CNTN5: variants seen among roughly 807,000 people sequenced by gnomAD.
CNTN5 encodes the protein contactin-5.
CNTN5 carries 77 observed loss-of-function variants against 129.1 expected under a neutral mutation model. The observed-to-expected ratio is 0.60, with a 90% CI of 0.50 to 0.72. CNTN5 has a LOEUF of 0.72. CNTN5 is among the 30% of genes least tolerant of loss of function. CNTN5 has a pLI of 0.00. For synonymous variants in CNTN5, 509 were observed against 465.6 expected (o/e 1.09, Z -1.20); for missense variants, 1,478 against 1,328.8 (o/e 1.11, Z -1.75).
At chr11:100,325,580 T>C (rs1279424796) in intron 21 of CNTN5, among the ~76,000 whole-genome samples, 1 of 152,190 alleles carries the variant, frequency 6.6e-6, no homozygotes, top group African/African-American at 2.4e-5. Flanking sequence ...CCTCTGGCCC[T>C]TTATCTTTTC....
intron 3 of CNTN5, among the ~76,000 whole-genome samples, chr11:99,738,601 T>G (rs991819430): frequency 2.2e-5 from 3 of 135,084 alleles, no homozygotes; most frequent in Non-Finnish European, 4.7e-5. Flanking sequence ...AAATGATACA[T>G]TCATAAGACA....
chr11:100,053,153 A>G (rs1280969546), intron 9 of CNTN5, among the ~76,000 whole-genome samples: 1 of 151,724 alleles, frequency 6.6e-6, no homozygotes, highest in African/African-American at 2.4e-5. Flanking sequence ...TTCTACAAAT[A>G]CATAGAACAA....
intron 17 of CNTN5, among the ~76,000 whole-genome samples, chr11:100,257,930 G>A (rs766452504): frequency 1.5e-4 from 23 of 152,106 alleles, no homozygotes; most frequent in Admixed American, 1.1e-3. Context: ...AAAACTGGAC[G>A]GAGAATGAAT....
At chr11:99,356,818 G>T (rs1309135481) in intron 2 of CNTN5, among the ~76,000 whole-genome samples, 3 of 152,044 alleles carry the variant, frequency 2.0e-5, no homozygotes, top group Non-Finnish European at 1.5e-5. Flanking sequence ...TTCTAATTTG[G>T]CAGGGTTTGA....
At chr11:99,956,714 A>G in intron 7 of CNTN5, 92 bp from the exon 8 acceptor site, 1 of 857,426 alleles carries the variant, frequency 1.2e-6, no homozygotes, top group Admixed American at 2.1e-5. Flanking sequence ...CTTGCAATAT[A>G]TCTAATGCTT....
At chr11:99,776,687 T>C (rs1045482221) in intron 3 of CNTN5, among the ~76,000 whole-genome samples, 4 of 151,820 alleles carry the variant, frequency 2.6e-5, no homozygotes, top group East Asian at 3.9e-4. Context: ...TGCATAAATA[T>C]ACAGCAGTGC....
At chr11:100,288,337 A>T (rs1950852875) in intron 18 of CNTN5, among the ~76,000 whole-genome samples, 2 of 152,106 alleles carry the variant, frequency 1.3e-5, no homozygotes, top group African/African-American at 4.8e-5. Flanking sequence ...CACCTATTCG[A>T]AAATTGACCA....
At chr11:99,911,798 T>C (rs1433202057) in intron 6 of CNTN5, among the ~76,000 whole-genome samples, 1 of 151,854 alleles carries the variant, frequency 6.6e-6, no homozygotes, top group Non-Finnish European at 1.5e-5. Context: ...CTGCCAACTC[T>C]ATTACCACGT....
At chr11:99,732,378 A>T (rs1943563953) in intron 3 of CNTN5, among the ~76,000 whole-genome samples, 1 of 147,694 alleles carries the variant, frequency 6.8e-6, no homozygotes, top group Non-Finnish European at 1.5e-5. Context: ...AATACATTTT[A>T]AAAACAAGGC....
intron 9 of CNTN5, among the ~76,000 whole-genome samples, chr11:100,057,697 C>T (rs905648657): frequency 1.3e-5 from 2 of 151,796 alleles, no homozygotes; most frequent in African/African-American, 4.8e-5. Flanking sequence ...GTCACCATAG[C>T]ATCTTTGTGC....
At chr11:99,923,982 G>A (rs752798043) in intron 7 of CNTN5, among the ~76,000 whole-genome samples, 6 of 152,158 alleles carry the variant, frequency 3.9e-5, no homozygotes, top group Admixed American at 2.0e-4. Context: ...AGTAGAGACA[G>A]GGTTTCACCA....
intron 9 of CNTN5, among the ~76,000 whole-genome samples, chr11:100,004,227 C>T (rs554959997): frequency 9.2e-5 from 14 of 152,244 alleles, no homozygotes; most frequent in African/African-American, 3.4e-4. Flanking sequence ...GCTGTTTTCC[C>T]CCTCACTGTG....
intron 6 of CNTN5, among the ~76,000 whole-genome samples, chr11:99,892,484 A>G (rs182095570): frequency 6.6e-6 from 1 of 152,146 alleles, no homozygotes; most frequent in Non-Finnish European, 1.5e-5. Flanking sequence ...TCTTTAATCC[A>G]TCGTGAGTTA....
intron 2 of CNTN5, among the ~76,000 whole-genome samples, chr11:99,412,548 A>G (rs533716272): frequency 1.3e-5 from 2 of 152,328 alleles, no homozygotes; most frequent in East Asian, 1.9e-4. Context: ...TATATTTAGT[A>G]CTATGCACCA....
chr11:99,817,201 T>A (rs1946615543), intron 3 of CNTN5, among the ~76,000 whole-genome samples: 1 of 152,356 alleles, frequency 6.6e-6, no homozygotes, highest in East Asian at 1.9e-4. Context: ...TAAGTTGTTA[T>A]CACATGTTTG....
rs144449822 is a variant in CNTN5, at chr11:100,051,244, G to T, written c.981-9968G>T. On this transcript the variant is annotated intron_variant, in intron 9 of 24. Coordinates refer to ENST00000524871, the MANE Select transcript of CNTN5 (RefSeq NM_014361.4). ...TATTCACCAAGATAAATTATGTGTT[G>T]GGCCGTAAAACAAGTCTTACCCCTA... 7.1e-4 allele frequency among the ~76,000 whole-genome samples: 108 copies of T among 151,998 alleles called. 2 individuals are homozygous for T. The East Asian group carries it at 0.02, about 29-fold the overall frequency.
At chr11:99,504,995 A>G (rs772165193) in intron 2 of CNTN5, among the ~76,000 whole-genome samples, 3 of 152,170 alleles carry the variant, frequency 2.0e-5, no homozygotes, top group Non-Finnish European at 4.4e-5. Flanking sequence ...TTTTGCAGCC[A>G]CTTAATAAAT....
chr11:99,685,670 G>A (rs756039659), intron 3 of CNTN5, among the ~76,000 whole-genome samples: 3 of 151,944 alleles, frequency 2.0e-5, no homozygotes, highest in Non-Finnish European at 4.4e-5. Flanking sequence ...TCTTTGGTCA[G>A]TGTTCACATG....
intron 4 of CNTN5, among the ~76,000 whole-genome samples, chr11:99,838,899 T>C (rs1461575072): frequency 6.6e-6 from 1 of 152,110 alleles, no homozygotes; most frequent in Non-Finnish European, 1.5e-5. Flanking sequence ...AAATAAGTCA[T>C]TAAGTCAAGC....
Sources: gnomAD v4.1 joint callset for allele counts (sites outside exome capture counted in the v4.1 genomes callset) on GRCh38, gnomAD v4.1.1 for gene constraint, MANE v1.5 for transcripts, NCBI Gene and HGNC (gene_info 2026-07-23, HGNC 2026-07-21) for gene names.